RNGTT: variants seen among roughly 807,000 people sequenced by gnomAD.
RNGTT encodes the protein mRNA-capping enzyme.
Under a neutral mutation model 79.3 loss-of-function variants are expected in RNGTT, and 33 were observed. That is an observed-to-expected ratio of 0.42 (90% confidence interval 0.32 to 0.56). RNGTT has a LOEUF of 0.56. Among genes scored for constraint, RNGTT ranks in the 20% least tolerant of loss-of-function variants. The pLI, the probability that RNGTT is intolerant of heterozygous loss-of-function variation, is 0.17. For synonymous variants in RNGTT, 222 were observed against 235.9 expected, an observed-to-expected ratio of 0.94 and a Z score of 0.54; for missense variants, 497 against 739.1, an observed-to-expected ratio of 0.67 and a Z score of 3.80.
chr6:88,632,778 G>C (rs1273853291), intron 14 of RNGTT, among the ~76,000 whole-genome samples: 2 of 152,132 alleles, frequency 1.3e-5, no homozygotes, highest in South Asian at 4.1e-4. Flanking sequence ...CAACTAGCAT[G>C]GAAGTTAATT....
At chr6:88,951,268 T>G (rs1253258201) in intron 1 of RNGTT, among the ~76,000 whole-genome samples, 1 of 152,202 alleles carries the variant, frequency 6.6e-6, no homozygotes, top group Non-Finnish European at 1.5e-5. Flanking sequence ...GCAAAGTGGT[T>G]TCCTGATATG....
chr6:88,726,317 A>G lies in RNGTT; in HGVS notation c.1439+43457T>C, dbSNP rs141495491. ...CCGGCAACTGCTCTCCTAACAGAAGAAAGTAGAAAAACAACTTTTAGAGGA... is the reference window on the plus strand; with the variant it reads ...CCGGCAACTGCTCTCCTAACAGAAGGAAGTAGAAAAACAACTTTTAGAGGA... On this transcript the variant is annotated intron_variant, in intron 13 of 15. Coordinates refer to ENST00000369485, the MANE Select transcript of RNGTT (RefSeq NM_003800.5). Among the ~76,000 whole-genome samples the G allele has an allele frequency of 2.3e-3, 344 of 150,320 alleles. 1 individual carries two copies. The highest frequency in any genetic ancestry group is 8.2e-3 in the African/African-American group (326 of 39,970).
chr6:88,631,647 A>AT (rs35746715), intron 14 of RNGTT, among the ~76,000 whole-genome samples: 11,519 of 148,244 alleles, frequency 0.078, 598 homozygotes, highest in South Asian at 0.19. Flanking sequence ...TCAACTCTAC[A>AT]TTTTTTTTTT....
chr6:88,710,154 G>A (rs938119999), intron 13 of RNGTT, among the ~76,000 whole-genome samples: 19 of 152,136 alleles, frequency 1.2e-4, no homozygotes, highest in Admixed American at 7.9e-4. Context: ...CAGCTACTCC[G>A]GAAGCTGAGG....
intron 13 of RNGTT, among the ~76,000 whole-genome samples, chr6:88,747,132 C>T (rs1777685780): frequency 6.6e-6 from 1 of 152,164 alleles, no homozygotes; most frequent in South Asian, 2.1e-4. Flanking sequence ...TAGGAACTTC[C>T]TTTGCCTGGC....
intron 13 of RNGTT, among the ~76,000 whole-genome samples, chr6:88,724,464 GC>G (rs1300055649): frequency 6.6e-6 from 1 of 152,130 alleles, no homozygotes; most frequent in Non-Finnish European, 1.5e-5. Flanking sequence ...ATGCCATATA[GC>G]CTAGGTGTGT....
intron 6 of RNGTT, among the ~76,000 whole-genome samples, chr6:88,892,515 C>A (rs956094912): frequency 6.6e-6 from 1 of 151,994 alleles, no homozygotes; most frequent in African/African-American, 2.4e-5. Flanking sequence ...ACTAATAGAA[C>A]AAAATATTAC....
intron 10 of RNGTT, among the ~76,000 whole-genome samples, chr6:88,847,422 A>G (rs1781521033): frequency 6.6e-6 from 1 of 152,196 alleles, no homozygotes; most frequent in Non-Finnish European, 1.5e-5. Flanking sequence ...GACTGAAAAG[A>G]TTTTAAATAT....
chr6:88,616,357 G>A (rs937077725), intron 14 of RNGTT, among the ~76,000 whole-genome samples: 1 of 151,992 alleles, frequency 6.6e-6, no homozygotes, highest in Non-Finnish European at 1.5e-5. Flanking sequence ...AAATTATTTT[G>A]GCTATACACC....
chr6:88,677,464 T>C (rs973384424), intron 14 of RNGTT, among the ~76,000 whole-genome samples: 2 of 152,134 alleles, frequency 1.3e-5, no homozygotes, highest in Non-Finnish European at 2.9e-5. Flanking sequence ...AAAAAAGCTG[T>C]TAAAAACATT....
Position 88,908,384 on chromosome 6 carries a change from T to G in RNGTT, c.368-1944A>C, listed in dbSNP as rs1355017966. ...CATGAAAAGGAACCAAAATATCAAG[T>G]AAGCCACCACACTTTGAACCACCAA... On this transcript the variant is annotated intron_variant, in intron 4 of 15. Coordinates refer to ENST00000369485, the MANE Select transcript of RNGTT (RefSeq NM_003800.5). Among the ~76,000 whole-genome samples, 3 of 152,124 alleles carry G rather than the reference T, an allele frequency of 2.0e-5. No individual in the cohort carries two copies. The East Asian group carries it at 5.8e-4, about 29-fold the overall frequency.
intron 13 of RNGTT, among the ~76,000 whole-genome samples, chr6:88,701,454 AT>A (rs1397685833): frequency 6.6e-6 from 1 of 152,066 alleles, no homozygotes; most frequent in African/African-American, 2.4e-5. Context: ...ATGCGTGTGT[AT>A]ATTTATATAT....
chr6:88,690,161 C>T (rs967061365), intron 13 of RNGTT, among the ~76,000 whole-genome samples: 1 of 151,916 alleles, frequency 6.6e-6, no homozygotes. Context: ...GCCATGACAA[C>T]TAAATGTAAT....
chr6:88,946,221 T>C (rs1312467413), intron 1 of RNGTT, among the ~76,000 whole-genome samples: 1 of 152,198 alleles, frequency 6.6e-6, no homozygotes, highest in Admixed American at 6.5e-5. Flanking sequence ...TTTTTTATTA[T>C]TATTATATTT....
chr6:88,778,216 T>C (rs763831956), intron 12 of RNGTT, among the ~76,000 whole-genome samples: 18 of 152,212 alleles, frequency 1.2e-4, no homozygotes, highest in Non-Finnish European at 2.1e-4. Context: ...TTAAAATTGA[T>C]TATAGAGGAA....
chr6:88,707,091 T>C (rs1776153580), intron 13 of RNGTT, among the ~76,000 whole-genome samples: 1 of 152,162 alleles, frequency 6.6e-6, no homozygotes, highest in Non-Finnish European at 1.5e-5. Context: ...AGGCAAAAAT[T>C]AGTCAAGCAA....
chr6:88,925,150 G>A (rs1293118758), intron 4 of RNGTT, among the ~76,000 whole-genome samples: 2 of 151,788 alleles, frequency 1.3e-5, no homozygotes, highest in African/African-American at 2.4e-5. Flanking sequence ...ATCCTTGTTA[G>A]TATAGCAGTG....
intron 13 of RNGTT, among the ~76,000 whole-genome samples, chr6:88,741,609 T>A: frequency 6.6e-6 from 1 of 152,162 alleles, no homozygotes; most frequent in East Asian, 1.9e-4. Context: ...TTTTCAAAAA[T>A]TTTTAAATTT....
intron 14 of RNGTT, among the ~76,000 whole-genome samples, chr6:88,670,526 T>C (rs1774595877): frequency 6.6e-6 from 1 of 152,106 alleles, no homozygotes; most frequent in South Asian, 2.1e-4. Context: ...ACCTCTCCCA[T>C]TGTCTCCTGT....
Sources: gnomAD v4.1 joint callset for allele counts (sites outside exome capture counted in the v4.1 genomes callset) on GRCh38, gnomAD v4.1.1 for gene constraint, MANE v1.5 for transcripts, NCBI Gene and HGNC (gene_info 2026-07-23, HGNC 2026-07-21) for gene names.